SYCP1: variants seen among roughly 807,000 people sequenced by gnomAD.
SYCP1 encodes the protein synaptonemal complex protein 1, also known as cancer/testis antigen 8.
In SYCP1, 64 loss-of-function variants were observed where a neutral mutation model predicts 153.1. That is an observed-to-expected ratio of 0.42 (90% CI 0.34 to 0.51). SYCP1 has a LOEUF of 0.51. Among genes scored for constraint, SYCP1 ranks in the 20% least tolerant of loss-of-function variants. SYCP1 has a pLI of 0.06. For synonymous variants in SYCP1, 384 were observed against 341.8 expected, an observed-to-expected ratio of 1.12 and a Z score of -1.36; for missense variants, 997 against 1,049.0, an observed-to-expected ratio of 0.95 and a Z score of 0.68.
At chr1:114,924,546 C>A (rs1669129814) in intron 21 of SYCP1, among the ~76,000 whole-genome samples, 1 of 151,948 alleles carries the variant, frequency 6.6e-6, no homozygotes, top group African/African-American at 2.4e-5. Context: ...AATGTGAAGC[C>A]TTAGATTAAT....
intron 27 of SYCP1, among the ~76,000 whole-genome samples, chr1:114,958,634 T>A (rs1671583035): frequency 6.6e-6 from 1 of 151,788 alleles, no homozygotes. Flanking sequence ...AAGTTCTTTA[T>A]TTCAGGCCGG....
In SYCP1 at chr1:114,926,313, C is replaced by T; in HGVS notation, c.1836C>T (p.Asn612=). The change falls in exon 22 of 32, where the codon AAC becomes AAT. Residue 612 remains asparagine (N), a synonymous_variant. Transcript: ENST00000369522. The part of the protein sequence containing the change: ...NNLRKQVENK[N]KYIEELQQEN... ...TAAGGAAACAAGTTGAAAATAAAAACAAGTATATTGAAGAACTTCAGCAGG... is the reference window on the plus strand; with the variant it reads ...TAAGGAAACAAGTTGAAAATAAAAATAAGTATATTGAAGAACTTCAGCAGG... 2 of 1,523,268 alleles carry T rather than the reference C, an allele frequency of 1.3e-6. No individual in the cohort carries two copies. Among genetic ancestry groups the T allele is most frequent in the Non-Finnish European group, 8.8e-7 (1 of 1,132,234 alleles). The allele number at this position is 1,523,268 out of a possible 1,614,324, so 94.4% of individuals were successfully genotyped here.
At chr1:114,914,087 T>G (rs1380382779) in intron 20 of SYCP1, 42 bp downstream of exon 20, 1 of 1,434,040 alleles carries the variant, frequency 7.0e-7, no homozygotes, top group Admixed American at 2.3e-5. Flanking sequence ...GGCAAAAGAT[T>G]TTGATATTTC....
intron 27 of SYCP1, among the ~76,000 whole-genome samples, chr1:114,971,538 A>T (rs1672489129): frequency 6.6e-6 from 1 of 152,128 alleles, no homozygotes; most frequent in African/African-American, 2.4e-5. Flanking sequence ...AGCTTTCAGT[A>T]CTTCGCCATT....
At position 114,950,650 on chromosome 1, in the gene SYCP1, CT is replaced by C. The variant is rs919737167; in HGVS notation, c.2322+3336del. On this transcript the variant is annotated intron_variant, in intron 27 of 31. Coordinates refer to ENST00000369522, the MANE Select transcript of SYCP1 (RefSeq NM_003176.4). ...TATTGCATTGTCTATACTATTGTTA[CT>C]TTTTTGAAATTTCTTTAGCATTTTC... is the stretch of plus-strand genomic sequence containing the variant. 1.2e-4 allele frequency among the ~76,000 whole-genome samples: 18 copies of C among 151,894 alleles called. No individual in the cohort carries two copies. In the South Asian group the frequency reaches 1.2e-3, roughly 11 times the overall value.
intron 27 of SYCP1, among the ~76,000 whole-genome samples, chr1:114,951,293 A>C (rs1257764944): frequency 1.3e-5 from 2 of 152,278 alleles, no homozygotes; most frequent in East Asian, 3.9e-4. Context: ...AACAAAAAGA[A>C]CCATAGTCAG....
intron 30 of SYCP1, among the ~76,000 whole-genome samples, chr1:114,985,849 T>C (rs1465198089): frequency 6.6e-6 from 1 of 151,548 alleles, no homozygotes; most frequent in Non-Finnish European, 1.5e-5. Flanking sequence ...AGAAATACAG[T>C]TGGCCTTCTG....
chr1:114,911,888 C>A (rs1303434136), intron 18 of SYCP1, among the ~76,000 whole-genome samples: 1 of 151,776 alleles, frequency 6.6e-6, no homozygotes, highest in Non-Finnish European at 1.5e-5. Context: ...GGTTGTTTTG[C>A]TAAATTATTT....
At chr1:114,985,972 A>G (rs1480718642) in intron 30 of SYCP1, among the ~76,000 whole-genome samples, 1 of 151,952 alleles carries the variant, frequency 6.6e-6, no homozygotes, top group African/African-American at 2.4e-5. Context: ...AAGCAATACA[A>G]CATAACTATT....
At chr1:114,984,656 G>T (rs1673381112) in intron 29 of SYCP1, 69 bp from the exon 30 acceptor site, 1 of 1,203,990 alleles carries the variant, frequency 8.3e-7, no homozygotes, top group Admixed American at 3.2e-5. Flanking sequence ...AAAATTATTT[G>T]TGAAACCCTT....
At position 114,858,853 on chromosome 1, in the gene SYCP1, A is replaced by G. The variant is rs563513132; in HGVS notation, c.456+142A>G. On this transcript the variant is annotated intron_variant, in intron 6 of 31. Coordinates refer to ENST00000369522, the MANE Select transcript of SYCP1 (RefSeq NM_003176.4). ...AAGGATAATGCTTTTTAAAAGTTAC[A>G]TCAATACTGGATACATTTTAACTTT... 104 of 724,700 alleles carry G rather than the reference A, an allele frequency of 1.4e-4. No homozygotes were observed. In the African/African-American group the frequency reaches 1.8e-3, roughly 12 times the overall value. 44.9% of individuals were successfully genotyped at this position (724,700 alleles called of 1,614,324 possible).
intron 16 of SYCP1, among the ~76,000 whole-genome samples, chr1:114,899,666 T>TA (rs1423373210): frequency 6.6e-6 from 1 of 152,224 alleles, no homozygotes. Flanking sequence ...TACAATAACT[T>TA]AACCTTAATT....
At chr1:114,957,399 A>G (rs1436899303) in intron 27 of SYCP1, among the ~76,000 whole-genome samples, 3 of 152,240 alleles carry the variant, frequency 2.0e-5, no homozygotes, top group Non-Finnish European at 2.9e-5. Context: ...TATTTGAGTG[A>G]GACCTCAAAA....
chr1:114,895,734 T>C (rs1667017240), intron 16 of SYCP1, among the ~76,000 whole-genome samples: 1 of 152,156 alleles, frequency 6.6e-6, no homozygotes, highest in Non-Finnish European at 1.5e-5. Flanking sequence ...TATGTGTTGA[T>C]AGCACACTAA....
chr1:114,938,552 AAAAT>A (rs954085672), intron 23 of SYCP1, among the ~76,000 whole-genome samples: 13 of 152,316 alleles, frequency 8.5e-5, no homozygotes, highest in East Asian at 3.9e-4. Context: ...TATAATTAAA[AAAAT>A]AAATAAATCA....
intron 15 of SYCP1, among the ~76,000 whole-genome samples, chr1:114,891,663 T>C (rs1216224300): frequency 6.6e-6 from 1 of 152,234 alleles, no homozygotes; most frequent in Non-Finnish European, 1.5e-5. Flanking sequence ...CTTATTCTTG[T>C]ACTCATTTTT....
intron 23 of SYCP1, among the ~76,000 whole-genome samples, chr1:114,940,818 C>G (rs1039355076): frequency 6.6e-6 from 1 of 151,732 alleles, no homozygotes; most frequent in Non-Finnish European, 1.5e-5. Flanking sequence ...TTTTTTCATT[C>G]TGTACCTCTG....
intron 21 of SYCP1, among the ~76,000 whole-genome samples, chr1:114,925,652 G>A (rs1456424713): frequency 2.0e-5 from 3 of 151,888 alleles, no homozygotes; most frequent in East Asian, 3.9e-4. Context: ...AGATAATACC[G>A]ATCCTTTCTA....
intron 15 of SYCP1, among the ~76,000 whole-genome samples, chr1:114,889,861 T>A (rs184056640): frequency 6.6e-6 from 1 of 152,314 alleles, no homozygotes; most frequent in East Asian, 1.9e-4. Flanking sequence ...CTTTAATCCA[T>A]CTTGAGTTAA....
Sources: allele counts gnomAD v4.1 joint callset (sites outside exome capture counted in the v4.1 genomes callset), GRCh38; gene constraint gnomAD v4.1.1; transcripts MANE v1.5; gene names NCBI Gene and HGNC (gene_info 2026-07-23, HGNC 2026-07-21).